Variants in SCN3B observed in about 807,000 individuals in gnomAD.
The protein encoded by SCN3B is sodium channel regulatory subunit beta-3.
Under a neutral mutation model 25.4 loss-of-function variants are expected in SCN3B, and 11 were observed. The ratio of observed to expected loss-of-function variants is 0.43; its 90% CI spans 0.27 to 0.72. SCN3B has a LOEUF of 0.72. Among genes scored for constraint, SCN3B ranks in the 30% least tolerant of loss-of-function variants. The pLI, the probability that SCN3B is intolerant of heterozygous loss-of-function variation, is 0.18. For missense variants in SCN3B, 218 were observed against 278.3 expected (o/e 0.78, Z 1.54); for synonymous variants, 109 against 110.7 (o/e 0.99, Z 0.09).
At chr11:123,653,701 T>C (rs769586010) in intron 2 of SCN3B, 46 bp downstream of exon 2, 12 of 1,600,196 alleles carry the variant, frequency 7.5e-6, no homozygotes, top group South Asian at 3.3e-5. Context: ...ATTGTTAGCA[T>C]TGTTACTGTT....
At position 123,642,736 on chromosome 11, in the gene SCN3B, T is replaced by A; in HGVS notation, c.220-65A>T. The A allele has an allele frequency of 8.0e-7, 1 of 1,248,598 alleles. No individual in the cohort carries two copies. 77.3% of individuals were successfully genotyped at this position (1,248,598 alleles called of 1,614,324 possible). The stretch of plus-strand genomic sequence containing the variant: ...GAGATGGCAGTGGGGGGAAGCCGAG[T>A]TAGGGACAGGGCAGAGAAAAGGAGC... On this transcript the variant is annotated intron_variant, in intron 3 of 6. Coordinates refer to ENST00000299333, the MANE Select transcript of SCN3B (RefSeq NM_001040151.2). This position sits in a 1 kb window ranked among gnomAD's most constrained non-coding sequence, Gnocchi z 4.3.
Position 123,636,380 on chromosome 11 carries a change from C to T in SCN3B, c.584+1806G>A, listed in dbSNP as rs572121382. 1.4e-4 allele frequency among the ~76,000 whole-genome samples: 21 copies of T among 152,098 alleles called. No homozygotes were observed. The South Asian group carries it at 4.4e-3, about 32-fold the overall frequency. ...AATGATAATTTAGTTTCTTCCTTTCCAAGTCTTTTTCTTCCTTGTATTTAC... is the reference window on the plus strand; with the variant it reads ...AATGATAATTTAGTTTCTTCCTTTCTAAGTCTTTTTCTTCCTTGTATTTAC... On this transcript the variant is annotated intron_variant, in intron 5 of 6. Transcript: ENST00000299333.
intron 4 of SCN3B, among the ~76,000 whole-genome samples, chr11:123,641,495 T>C (rs1955791037): frequency 6.6e-6 from 1 of 152,202 alleles, no homozygotes; most frequent in Non-Finnish European, 1.5e-5. Context: ...CCTGGATCCT[T>C]TTTTCTAGGA....
chr11:123,645,839 AAG>A, intron 2 of SCN3B, 89 bp from the exon 3 acceptor site: 1 of 1,479,740 alleles, frequency 6.8e-7, no homozygotes, highest in Non-Finnish European at 9.4e-7. Flanking sequence ...GGAGGGAGGG[AAG>A]AGAGACAGAG....
At chr11:123,644,593 A>G (rs1955825524) in intron 3 of SCN3B, among the ~76,000 whole-genome samples, 2 of 152,016 alleles carry the variant, frequency 1.3e-5, no homozygotes. Flanking sequence ...CCAACATGGC[A>G]AAACTCTGTC....
chr11:123,632,176 T>G lies in SCN3B; in HGVS notation c.*1623A>C, dbSNP rs779512229. 1 of 152,206 alleles carries G rather than the reference T, an allele frequency of 6.6e-6. No individual in the cohort carries two copies. The highest frequency in any genetic ancestry group is 6.5e-5 in the Admixed American group (1 of 15,282). The allele number at this position is 152,206 out of a possible 1,614,324, so 9.4% of individuals were successfully genotyped here. A position where few individuals can be genotyped will look rare whatever the true frequency, so the allele number is the denominator to read the frequency against. ...AATCTAGGGGAAAAAAATCTGAAAA[T>G]TATGCATTCATAGGCGAAGTATTTG... On this transcript the variant is annotated 3_prime_UTR_variant, in exon 7 of 7. Transcript: ENST00000299333.
At chr11:123,654,047 C>T in intron 1 of SCN3B, 179 bp downstream of exon 1, 4 of 577,842 alleles carry the variant, frequency 6.9e-6, no homozygotes, top group Non-Finnish European at 9.3e-6. Flanking sequence ...ATCAGCCGCT[C>T]CGCGCCCGCT....
At chr11:123,644,800 A>AGAGAGAGAGAGAATATAT (rs1272015067) in intron 3 of SCN3B, among the ~76,000 whole-genome samples, 2 of 45,588 alleles carry the variant, frequency 4.4e-5, no homozygotes, top group African/African-American at 7.8e-5. Flanking sequence ...AGAGAGAGAG[A>AGAGAGAGAGAGAATATAT]ATATATATAT....
Position 123,634,105 on chromosome 11 carries a change from T to G in SCN3B, c.*22+16A>C, listed in dbSNP as rs199552601. On this transcript the variant is annotated intron_variant, in intron 6 of 6. Coordinates refer to ENST00000299333, the MANE Select transcript of SCN3B (RefSeq NM_001040151.2). ...CATCCACATCTGCCTTCCCCTCCCA[T>G]GTTCCTGTAGGTCACCTCATGTCAC... 1.1e-3 allele frequency: 1,775 copies of G among 1,596,666 alleles called. 5 individuals carry two copies. The highest frequency in any genetic ancestry group is 1.4e-3 in the Non-Finnish European group (1,588 of 1,164,292).
chr11:123,631,217 G>C lies in SCN3B; in HGVS notation c.*2582C>G, dbSNP rs147566776. ...TAAAAGCCACGCAAGCAGCATCTGA[G>C]TTGGGTTTTTTTAAAAAGAAGAGAA... On this transcript the variant is annotated 3_prime_UTR_variant, in exon 7 of 7. Coordinates refer to ENST00000299333, the MANE Select transcript of SCN3B (RefSeq NM_001040151.2). The C allele has an allele frequency of 1.8e-3, 271 of 152,260 alleles. No homozygotes were observed. Among genetic ancestry groups the C allele is most frequent in the African/African-American group, 6.3e-3 (261 of 41,560 alleles). 9.4% of individuals were successfully genotyped at this position (152,260 alleles called of 1,614,324 possible).
At chr11:123,635,685 CAA>C (rs796965268) in intron 5 of SCN3B, among the ~76,000 whole-genome samples, 7 of 129,904 alleles carry the variant, frequency 5.4e-5, no homozygotes, top group Non-Finnish European at 3.3e-5. Context: ...GACTCTGTCT[CAA>C]AAAAAAAAAA....
intron 2 of SCN3B, among the ~76,000 whole-genome samples, 190 bp from the exon 3 acceptor site, chr11:123,645,940 G>A (rs148937682): frequency 2.2e-4 from 33 of 152,284 alleles, no homozygotes; most frequent in Admixed American, 9.8e-4. Flanking sequence ...GGCTCAGAAC[G>A]TGTACACATT....
intron 2 of SCN3B, among the ~76,000 whole-genome samples, chr11:123,652,189 G>A (rs571435904): frequency 9.2e-5 from 14 of 152,286 alleles, no homozygotes; most frequent in African/African-American, 3.4e-4. Context: ...CTTTTTATCT[G>A]GCCAGGCTAA....
rs72552191 is a variant in SCN3B at position 123,630,187 on chromosome 11, T to C, written c.*3612A>G. On this transcript the variant is annotated 3_prime_UTR_variant, in exon 7 of 7. Coordinates refer to ENST00000299333, the MANE Select transcript of SCN3B (RefSeq NM_001040151.2). ...TGGGAATGGAGAAACTAAAAGGTCA[T>C]GCCGTTAAACAAGTGGTGAGAATAA... is the stretch of plus-strand genomic sequence containing the variant. 1,183 of 152,690 alleles carry C rather than the reference T, an allele frequency of 7.7e-3. 7 individuals are homozygous for C. The highest frequency in any genetic ancestry group is 0.037 in the Middle Eastern group (11 of 294). 9.5% of individuals were successfully genotyped at this position (152,690 alleles called of 1,614,324 possible). A position where few individuals can be genotyped will look rare whatever the true frequency, so the allele number is the denominator to read the frequency against.
intron 1 of SCN3B, 198 bp downstream of exon 1, chr11:123,654,028 A>G (rs1224479070): frequency 3.4e-6 from 2 of 591,400 alleles, no homozygotes; most frequent in East Asian, 5.6e-5. Flanking sequence ...CCCCAGTTCG[A>G]GGGAGCCGAT....
chr11:123,649,296 G>T (rs1783902), intron 2 of SCN3B, among the ~76,000 whole-genome samples: 12,479 of 152,276 alleles, frequency 0.082, 531 homozygotes, highest in Middle Eastern at 0.11. Flanking sequence ...CAGTCAGGAT[G>T]GCAAATGGGG....
intron 2 of SCN3B, among the ~76,000 whole-genome samples, chr11:123,653,376 T>G (rs960454710): frequency 4.6e-5 from 7 of 151,944 alleles, no homozygotes; most frequent in Non-Finnish European, 7.4e-5. Flanking sequence ...CCAGTAAGCT[T>G]TCCAGGAGTA....
At chr11:123,640,278 T>C (rs1270128324) in intron 4 of SCN3B, 2 of 152,250 alleles carry the variant, frequency 1.3e-5, no homozygotes, top group Non-Finnish European at 2.9e-5. Flanking sequence ...CAAATGGCAA[T>C]ACAGGAAGCT....
chr11:123,649,444 G>C (rs1612588), intron 2 of SCN3B, among the ~76,000 whole-genome samples: 1 of 151,860 alleles, frequency 6.6e-6, no homozygotes, highest in Admixed American at 6.6e-5. Flanking sequence ...AACTCTGCTC[G>C]TATGATCCTG....
Sources: gnomAD v4.1 joint callset for allele counts (sites outside exome capture counted in the v4.1 genomes callset) on GRCh38, gnomAD v4.1.1 for gene constraint, Gnocchi (gnomAD v3.1) non-coding constraint, MANE v1.5 for transcripts, NCBI Gene and HGNC (gene_info 2026-07-23, HGNC 2026-07-21) for gene names.